Variants in ADAMTS17 observed in about 807,000 individuals in gnomAD.
The protein encoded by ADAMTS17 is ADAM metallopeptidase with thrombospondin type 1 motif 17.
A neutral mutation model predicts 141.5 loss-of-function variants in ADAMTS17; 113 were observed. The ratio of observed to expected loss-of-function variants is 0.80; its 90% CI spans 0.69 to 0.93. The LOEUF is 0.93. Among genes scored for constraint, ADAMTS17 ranks in the 40% least tolerant of loss-of-function variants. The pLI is 0.00. For synonymous variants in ADAMTS17, 768 were observed against 630.6 expected (o/e 1.22, Z -3.27); for missense variants, 1,659 against 1,517.9 (o/e 1.09, Z -1.54).
intron 18 of ADAMTS17, among the ~76,000 whole-genome samples, chr15:100,039,008 C>A (rs985530149): frequency 6.6e-6 from 1 of 152,308 alleles, no homozygotes; most frequent in Non-Finnish European, 1.5e-5. Context: ...ACTTTGTCCA[C>A]TTTCTGTAAG....
At chr15:100,118,467 T>C (rs2037278878) in intron 12 of ADAMTS17, among the ~76,000 whole-genome samples, 1 of 152,206 alleles carries the variant, frequency 6.6e-6, no homozygotes, top group South Asian at 2.1e-4. Flanking sequence ...GGCCCCATAG[T>C]GGGGCCTTGA....
rs758924018 is a variant in ADAMTS17, at chr15:99,974,498, C to G, written c.3192G>C (p.Lys1064Asn). Residue 1064 changes from lysine to asparagine, a missense_variant, in exon 22 of 22, where the codon AAG (lysine) becomes AAC (asparagine). Physicochemically the swap from Lys to Asn is moderately conservative, Grantham distance 94 (BLOSUM62 0). Transcript: ENST00000268070. Reference sequence around the variant, plus strand: ...ACCACCGCATGTCCTGGCAGAGGTTCTTTTCTCGGATGACCCGGCAATATA... The same window carrying G: ...ACCACCGCATGTCCTGGCAGAGGTTGTTTTCTCGGATGACCCGGCAATATA... The part of the protein sequence containing the change: ...WTVYCRVIRE[K>N]NLCQDMRWYQ... The G allele has an allele frequency of 1.2e-6, 2 of 1,614,224 alleles. No individual in the cohort carries two copies. Among genetic ancestry groups the G allele is most frequent in the African/African-American group, 1.3e-5 (1 of 75,066 alleles).
At chr15:100,250,891 T>C (rs991547140) in intron 7 of ADAMTS17, among the ~76,000 whole-genome samples, 8 of 152,098 alleles carry the variant, frequency 5.3e-5, no homozygotes, top group African/African-American at 1.9e-4. Context: ...TTACTCAAAA[T>C]AAAAATATTT....
At chr15:100,249,339 T>G (rs1467966731) in intron 7 of ADAMTS17, among the ~76,000 whole-genome samples, 1 of 152,220 alleles carries the variant, frequency 6.6e-6, no homozygotes, top group East Asian at 1.9e-4. Context: ...TGTCTGGCAT[T>G]CATCCTCCCG....
Position 100,281,262 on chromosome 15 carries a change from G to A in ADAMTS17, c.756C>T (p.Ala252=), listed in dbSNP as rs7496640. ...ADMVQYHGAE[A]AQRFILTVMN... ...TGACGGTCAGGATGAACCTCTGGGCGGCCTCGGCCCCGTGGTACTGCACCA... is the reference window on the plus strand; with the variant it reads ...TGACGGTCAGGATGAACCTCTGGGCAGCCTCGGCCCCGTGGTACTGCACCA... Residue 252 remains alanine, a synonymous_variant, in exon 4 of 22, where the codon GCC becomes GCT. Transcript: ENST00000268070. 0.38 allele frequency: 603,976 copies of A among 1,606,436 alleles called. 119,736 individuals are homozygous for A. The highest frequency in any genetic ancestry group is 0.58 in the Admixed American group (34,823 of 60,006).
chr15:100,154,980 C>A lies in ADAMTS17; in HGVS notation c.1322+200G>T, dbSNP rs146164696. On this transcript the variant is annotated intron_variant, in intron 9 of 21. Coordinates refer to ENST00000268070, the MANE Select transcript of ADAMTS17 (RefSeq NM_139057.4). ...AATTACGTAATGATCACCCACTGTG[C>A]GCCCATCGCTGGAGCAGATGCGCAT... is the stretch of plus-strand genomic sequence containing the variant. Among the ~76,000 whole-genome samples, 7 of 152,228 alleles carry A rather than the reference C, an allele frequency of 4.6e-5. No individual in the cohort carries two copies. The East Asian group carries it at 1.2e-3, about 25-fold the overall frequency.
intron 20 of ADAMTS17, among the ~76,000 whole-genome samples, chr15:99,988,034 G>T (rs748730128): frequency 2.6e-5 from 4 of 151,942 alleles, no homozygotes; most frequent in Non-Finnish European, 5.9e-5. Flanking sequence ...CCTTCCCCCA[G>T]CTCAGCCTCA....
chr15:100,093,130 G>A (rs1376379478), intron 15 of ADAMTS17, among the ~76,000 whole-genome samples: 1 of 152,078 alleles, frequency 6.6e-6, no homozygotes, highest in Non-Finnish European at 1.5e-5. Flanking sequence ...AAGTTTGGAA[G>A]CAACAGGCTG....
Position 99,976,028 on chromosome 15 carries a change from C to T in ADAMTS17, c.3127+17G>A, listed in dbSNP as rs2060316537. The T allele has an allele frequency of 1.9e-6, 3 of 1,545,602 alleles. No homozygotes were observed. The highest frequency in any genetic ancestry group is 2.6e-6 in the Non-Finnish European group (3 of 1,143,102). On this transcript the variant is annotated intron_variant, in intron 21 of 21. Coordinates refer to ENST00000268070, the MANE Select transcript of ADAMTS17 (RefSeq NM_139057.4). ...CACAGCAGCCCCCTGGGAACCGGGG[C>T]CAGTGAAGACACTCACCAAGGCGGG...
intron 15 of ADAMTS17, among the ~76,000 whole-genome samples, chr15:100,069,617 C>G (rs973471947): frequency 6.6e-5 from 10 of 152,104 alleles, no homozygotes; most frequent in Non-Finnish European, 7.3e-5. Flanking sequence ...GAATTTTCAA[C>G]CCAGAATTTC....
chr15:100,009,574 G>A (rs187949162), intron 18 of ADAMTS17, among the ~76,000 whole-genome samples: 19 of 152,194 alleles, frequency 1.2e-4, no homozygotes, highest in Admixed American at 2.6e-4. Flanking sequence ...TGTTGGAGGC[G>A]TGACTCAGGT....
At chr15:100,272,019 G>A (rs898959556) in intron 4 of ADAMTS17, among the ~76,000 whole-genome samples, 1 of 102,370 alleles carries the variant, frequency 9.8e-6, no homozygotes, top group Non-Finnish European at 2.1e-5. Flanking sequence ...AAAATTATTT[G>A]ACCATATATA....
At chr15:100,252,098 T>C (rs1333793742) in intron 7 of ADAMTS17, among the ~76,000 whole-genome samples, 1 of 152,176 alleles carries the variant, frequency 6.6e-6, no homozygotes, top group Non-Finnish European at 1.5e-5. Flanking sequence ...TCGAAGTAGC[T>C]GCCTGCTCTT....
At chr15:100,328,935 T>C (rs958983) in intron 3 of ADAMTS17, among the ~76,000 whole-genome samples, 99,453 of 151,882 alleles carry the variant, frequency 0.65, 33,215 homozygotes, top group African/African-American at 0.76. Context: ...GGTGCTCAAA[T>C]GGGAAAATCC....
intron 4 of ADAMTS17, among the ~76,000 whole-genome samples, chr15:100,274,707 GTTAT>G (rs1486212546): frequency 6.6e-6 from 1 of 152,030 alleles, no homozygotes; most frequent in Non-Finnish European, 1.5e-5. Flanking sequence ...TTTCCATTTT[GTTAT>G]TTGTTTCCTA....
intron 3 of ADAMTS17, among the ~76,000 whole-genome samples, chr15:100,329,342 C>T (rs753022327): frequency 1.3e-5 from 2 of 152,034 alleles, no homozygotes; most frequent in Non-Finnish European, 2.9e-5. Flanking sequence ...GGTTCAAGAC[C>T]AGCCTGGGCA....
At chr15:100,181,880 A>C (rs1181278083) in intron 8 of ADAMTS17, among the ~76,000 whole-genome samples, 3 of 152,220 alleles carry the variant, frequency 2.0e-5, no homozygotes, top group Non-Finnish European at 4.4e-5. Flanking sequence ...CCAACACAGC[A>C]CTAGGACTTA....
chr15:100,341,971 G>A lies in ADAMTS17; in HGVS notation c.-72C>T. 8.6e-6 allele frequency: 13 copies of A among 1,517,028 alleles called. No homozygotes were observed. In the South Asian group the frequency reaches 1.1e-4, roughly 13 times the overall value. 94.0% of individuals were successfully genotyped at this position (1,517,028 alleles called of 1,614,324 possible). On this transcript the variant is annotated 5_prime_UTR_variant, in exon 1 of 22. Transcript: ENST00000268070. ...AGCGCGCTAGGCGGCGGCGCCAGCC[G>A]GAGTGAAGCCCTCCAGCCTTTGGAA... is the stretch of plus-strand genomic sequence containing the variant.
At position 100,282,833 on chromosome 15, in the gene ADAMTS17, G is replaced by A. The variant is rs1039637513; in HGVS notation, c.617-1432C>T. Among the ~76,000 whole-genome samples the A allele has an allele frequency of 3.3e-5, 5 of 152,216 alleles. No individual in the cohort carries two copies. In the South Asian group the frequency reaches 6.2e-4, roughly 19 times the overall value. ...TATACAGCCATTAAAATCATACCAC[G>A]AAGATGACTTAGAGATCTAGAGAAG... is the stretch of plus-strand genomic sequence containing the variant. On this transcript the variant is annotated intron_variant, in intron 3 of 21. Transcript: ENST00000268070.
Sources: allele counts gnomAD v4.1 joint callset (sites outside exome capture counted in the v4.1 genomes callset), GRCh38; gene constraint gnomAD v4.1.1; transcripts MANE v1.5; gene names NCBI Gene and HGNC (gene_info 2026-07-23, HGNC 2026-07-21).